The following PRELID2 variants were observed in gnomAD, a reference collection of about 807,000 sequenced individuals.
PRELID2 encodes PRELI domain-containing protein 2.
A neutral mutation model predicts 28.4 loss-of-function variants in PRELID2; 25 were observed. The observed-to-expected ratio is 0.88, with a 90% CI of 0.64 to 1.23. The LOEUF is 1.23. Among genes scored for constraint, PRELID2 ranks in the 50% most tolerant of loss-of-function variants. The pLI, the probability that PRELID2 is intolerant of heterozygous loss-of-function variation, is 0.00. For synonymous variants in PRELID2, 76 were observed against 71.6 expected (o/e 1.06, Z -0.31); for missense variants, 201 against 214.4 (o/e 0.94, Z 0.39).
At chr5:145,615,299 T>G (rs1236053711) in intron 1 of PRELID2, among the ~76,000 whole-genome samples, 1 of 151,054 alleles carries the variant, frequency 6.6e-6, no homozygotes, top group Non-Finnish European at 1.5e-5. Flanking sequence ...ATGTGAGTCC[T>G]TATGTGTTAT....
intron 1 of PRELID2, among the ~76,000 whole-genome samples, chr5:145,589,596 T>C (rs971589973): frequency 5.9e-5 from 9 of 152,182 alleles, no homozygotes; most frequent in Admixed American, 2.6e-4. Context: ...CATTTATTCT[T>C]ATGTGAATTA....
At chr5:145,820,524 T>C (rs1333239444) in intron 2 of PRELID2, among the ~76,000 whole-genome samples, 1 of 152,170 alleles carries the variant, frequency 6.6e-6, no homozygotes, top group Non-Finnish European at 1.5e-5. Flanking sequence ...GAGAACCTGA[T>C]GCTGCTACCT....
the PRELID2 span, among the ~76,000 whole-genome samples, chr5:145,393,103 GTT>G: frequency 1.3e-5 from 2 of 152,168 alleles, no homozygotes; most frequent in Non-Finnish European, 2.9e-5. Flanking sequence ...AATGTGTAGT[GTT>G]CTGTGAATCT....
the PRELID2 span, among the ~76,000 whole-genome samples, chr5:145,289,722 A>G: frequency 6.6e-6 from 1 of 152,178 alleles, no homozygotes; most frequent in Non-Finnish European, 1.5e-5. Flanking sequence ...ACCAGTAATG[A>G]ATGAGAATTC....
At chr5:145,312,176 T>A in the PRELID2 span, among the ~76,000 whole-genome samples, 1 of 147,830 alleles carries the variant, frequency 6.8e-6, no homozygotes, top group Non-Finnish European at 1.5e-5. Context: ...TGAGACTCTG[T>A]CTCTACTAAA....
intron 1 of PRELID2, among the ~76,000 whole-genome samples, chr5:145,566,442 T>C (rs1368802316): frequency 3.3e-5 from 5 of 149,838 alleles, no homozygotes; most frequent in African/African-American, 1.2e-4. Flanking sequence ...TGAGAAGCAA[T>C]AAAGAGACAC....
chr5:145,433,119 G>A, the PRELID2 span, among the ~76,000 whole-genome samples: 1 of 152,080 alleles, frequency 6.6e-6, no homozygotes, highest in East Asian at 1.9e-4. Flanking sequence ...CATTCCCTCT[G>A]TCTAGTGTCA....
At chr5:145,658,387 A>G (rs966894142) in intron 1 of PRELID2, among the ~76,000 whole-genome samples, 2 of 152,182 alleles carry the variant, frequency 1.3e-5, no homozygotes, top group African/African-American at 4.8e-5. Context: ...TTGAGATGCA[A>G]CATGTGATGG....
the PRELID2 span, among the ~76,000 whole-genome samples, chr5:145,328,669 G>GT: frequency 6.6e-6 from 1 of 151,384 alleles, no homozygotes; most frequent in East Asian, 1.9e-4. Context: ...TAGATTCTCG[G>GT]TATTAGCCCT....
the PRELID2 span, among the ~76,000 whole-genome samples, chr5:145,289,226 T>C: frequency 6.6e-6 from 1 of 152,158 alleles, no homozygotes; most frequent in Non-Finnish European, 1.5e-5. Context: ...ATATATCTAC[T>C]ACTACAGGAC....
At chr5:145,409,142 T>C in the PRELID2 span, among the ~76,000 whole-genome samples, 1 of 152,108 alleles carries the variant, frequency 6.6e-6, no homozygotes, top group African/African-American at 2.4e-5. Context: ...GAAGGAAATA[T>C]AAGGTCTTTT....
chr5:145,742,194 A>T (rs1413061468), intron 1 of PRELID2, among the ~76,000 whole-genome samples: 5 of 40,702 alleles, frequency 1.2e-4, no homozygotes, highest in East Asian at 2.1e-3. Context: ...ATATATAAAT[A>T]ATAATATATA....
chr5:145,453,965 T>G, the PRELID2 span, among the ~76,000 whole-genome samples: 1 of 152,312 alleles, frequency 6.6e-6, no homozygotes, highest in East Asian at 1.9e-4. Context: ...TTTATAATCC[T>G]TTGGGTATAT....
the PRELID2 span, among the ~76,000 whole-genome samples, chr5:145,309,032 A>G: frequency 6.6e-6 from 1 of 152,306 alleles, no homozygotes; most frequent in East Asian, 1.9e-4. Flanking sequence ...TGTATGTAAA[A>G]CTGGATCATT....
chr5:145,434,406 G>A, the PRELID2 span, among the ~76,000 whole-genome samples: 2 of 152,108 alleles, frequency 1.3e-5, no homozygotes, highest in Non-Finnish European at 2.9e-5. Context: ...TCAAAAAACT[G>A]GATAACTGTA....
At chr5:145,677,407 G>A (rs1361133055) in intron 1 of PRELID2, among the ~76,000 whole-genome samples, 2 of 151,944 alleles carry the variant, frequency 1.3e-5, no homozygotes, top group South Asian at 2.1e-4. Flanking sequence ...CACCTACCTC[G>A]GCCTCCCAAA....
intron 1 of PRELID2, among the ~76,000 whole-genome samples, chr5:145,832,583 G>C (rs544357352): frequency 6.6e-6 from 1 of 152,184 alleles, no homozygotes; most frequent in East Asian, 1.9e-4. Flanking sequence ...TGTGAGTTTC[G>C]GATCCATGTG....
chr5:145,290,582 A>T, the PRELID2 span, among the ~76,000 whole-genome samples: 1 of 126,964 alleles, frequency 7.9e-6, no homozygotes, highest in South Asian at 2.9e-4. Context: ...GGGGAACATC[A>T]CACACTGGGG....
the PRELID2 span, among the ~76,000 whole-genome samples, chr5:145,248,211 C>T: frequency 6.6e-6 from 1 of 152,004 alleles, no homozygotes; most frequent in African/African-American, 2.4e-5. Flanking sequence ...CCTTCGTTCC[C>T]CCCCCTTCTT....
Sources: allele counts gnomAD v4.1 joint callset (sites outside exome capture counted in the v4.1 genomes callset), GRCh38; gene constraint gnomAD v4.1.1; transcripts MANE v1.5; gene names NCBI Gene and HGNC (gene_info 2026-07-23, HGNC 2026-07-21).